Variants in COL16A1 observed in about 807,000 individuals in gnomAD.
COL16A1 encodes the protein collagen type XVI alpha 1 chain.
In COL16A1, 189 loss-of-function variants were observed where a neutral mutation model predicts 266.3. The ratio of observed to expected loss-of-function variants is 0.71; its 90% CI spans 0.63 to 0.80. The LOEUF is 0.80. Ranked by LOEUF, COL16A1 falls within the 30% of genes least tolerant of loss-of-function variation. The pLI, the probability that COL16A1 is intolerant of heterozygous loss-of-function variation, is 0.00. For missense variants in COL16A1, 1,928 were observed against 2,122.4 expected, an observed-to-expected ratio of 0.91 and a Z score of 1.80; for synonymous variants, 740 against 782.3, an observed-to-expected ratio of 0.95 and a Z score of 0.90.
chr1:31,656,928 C>T lies in COL16A1; in HGVS notation c.4056+105G>A. ...AGGGTTAACAATTTCCAGAGACAGC[C>T]CGTACATAGAAGGAATGTTTACTGA... On this transcript the variant is annotated intron_variant, in intron 65 of 70. Coordinates refer to ENST00000373672, the MANE Select transcript of COL16A1 (RefSeq NM_001856.4). The surrounding 1 kb of genome is among the most constrained non-coding windows in gnomAD (Gnocchi z 4.2). The T allele has an allele frequency of 1.3e-6, 2 of 1,500,906 alleles. No individual in the cohort carries two copies. The highest frequency in any genetic ancestry group is 1.9e-6 in the Non-Finnish European group (2 of 1,079,196). 93.0% of individuals were successfully genotyped at this position (1,500,906 alleles called of 1,614,324 possible).
In COL16A1 at chr1:31,672,418, C is replaced by T; in HGVS notation, c.3103G>A (p.Glu1035Lys). 6.2e-7 allele frequency: 1 copy of T among 1,614,134 alleles called. No homozygotes were observed. Among genetic ancestry groups the T allele is most frequent in the Non-Finnish European group, 8.5e-7 (1 of 1,179,996 alleles). ...PPGLPGQRGE[E>K]GPPGMRGSPG... Reference sequence around the variant, plus strand: ...TGAATCCCCATCCCTGGTCTTACCTCTTCTCCTCTCTGGCCTGGCAATCCC... The same window carrying T: ...TGAATCCCCATCCCTGGTCTTACCTTTTCTCCTCTCTGGCCTGGCAATCCC... The change falls in exon 47 of 71, where the codon GAG becomes AAG. Residue 1035 changes from glutamate to lysine, a missense_variant and splice_region_variant. Glu to Lys is a moderately conservative substitution (Grantham distance 56). This residue lies in a region of COL16A1 where 1,552 missense variants were observed against 1,637.2 expected (regional missense o/e 0.95). Transcript: ENST00000373672.
Position 31,702,174 on chromosome 1 carries a change from G to A in COL16A1, c.20C>T (p.Pro7Leu). The stretch of plus-strand genomic sequence containing the variant: ...CCAAAGACCGAGCAGCCACAGGCCA[G>A]GAGCCCAGGATACCCACATCCCGGT... MWVSWA[P>L]GLWLLGLWAT... The change falls in exon 2 of 71, where the codon CCT becomes CTT. Residue 7 changes from proline (P) to leucine (L), a missense_variant. By Grantham distance (98) the Pro-to-Leu change is moderately conservative. Transcript: ENST00000373672. The A allele has an allele frequency of 6.2e-7, 1 of 1,614,148 alleles. No individual in the cohort carries two copies. The highest frequency in any genetic ancestry group is 8.5e-7 in the Non-Finnish European group (1 of 1,180,018).
intron 43 of COL16A1, 100 bp downstream of exon 43, chr1:31,675,158 G>A (rs1217233231): frequency 3.7e-6 from 6 of 1,610,550 alleles, no homozygotes; most frequent in Admixed American, 1.7e-5. Context: ...TGGGAGAGAA[G>A]AGGGACCCCC....
At chr1:31,692,212 G>T (rs966947347) in intron 16 of COL16A1, 145 bp from the exon 17 acceptor site, 1 of 1,313,246 alleles carries the variant, frequency 7.6e-7, no homozygotes, top group Non-Finnish European at 1.1e-6. Flanking sequence ...CCACGGGAGG[G>T]TAGACAACAG....
At chr1:31,683,147 C>T (rs1367234086) in intron 36 of COL16A1, 47 bp downstream of exon 36, 14 of 1,613,200 alleles carry the variant, frequency 8.7e-6, no homozygotes, top group Non-Finnish European at 1.1e-5. Context: ...GCTTCTGGGA[C>T]ACTCTGGAAT....
In COL16A1 at chr1:31,684,581, C is replaced by A; in HGVS notation, c.2102G>T (p.Arg701Leu). The change falls in exon 31 of 71, where the codon CGG becomes CTG. Residue 701 changes from arginine (R) to leucine (L), a missense_variant. Coordinates refer to ENST00000373672, the MANE Select transcript of COL16A1 (RefSeq NM_001856.4). The part of the protein sequence containing the change: ...GDPGTPGTTG[R>L]PGLSGEPGVQ... Reference sequence around the variant, plus strand: ...TCCAGGCTCTCCTGACAGTCCTGGCCGCCCTGTGGTGCCCGGCGTTCCAGG... The same window carrying A: ...TCCAGGCTCTCCTGACAGTCCTGGCAGCCCTGTGGTGCCCGGCGTTCCAGG... 6.2e-7 allele frequency: 1 copy of A among 1,613,900 alleles called. No homozygotes were observed. The highest frequency in any genetic ancestry group is 8.5e-7 in the Non-Finnish European group (1 of 1,179,998).
At chr1:31,681,789 C>A (rs1643660788) in intron 37 of COL16A1, among the ~76,000 whole-genome samples, 1 of 152,226 alleles carries the variant, frequency 6.6e-6, no homozygotes, top group African/African-American at 2.4e-5. Context: ...ACACGTGGGA[C>A]TTGAAGCCCC....
chr1:31,656,497 C>T lies in COL16A1; in HGVS notation c.4057-53G>A, dbSNP rs1017062449. On this transcript the variant is annotated intron_variant, in intron 65 of 70. Coordinates refer to ENST00000373672, the MANE Select transcript of COL16A1 (RefSeq NM_001856.4). The surrounding 1 kb of genome is among the most constrained non-coding windows in gnomAD (Gnocchi z 4.2). ...AGTCCGGGCAGCATCTCTGAGGCTC[C>T]CTGGGGAGGCAGGTGCAGTGAAGAG... 5 of 1,598,254 alleles carry T rather than the reference C, an allele frequency of 3.1e-6. No individual in the cohort carries two copies. The highest frequency in any genetic ancestry group is 4.3e-6 in the Non-Finnish European group (5 of 1,172,654).
rs1428744203 is a variant in COL16A1 at position 31,698,016 on chromosome 1, G to C, written c.547C>G (p.His183Asp). The change falls in exon 6 of 71, where the codon CAC becomes GAC. Residue 183 changes from histidine to aspartate, a missense_variant. Around this residue, in one of 2 missense-constraint regions of COL16A1, gnomAD observed 1,552 missense variants for 1,637.2 expected, o/e 0.95. Transcript: ENST00000373672. The surrounding 1 kb of genome is among the most constrained non-coding windows in gnomAD (Gnocchi z 4.1). ...LSVAGRVASVHVDCSSASSQP... is the reference protein window; with the variant it reads ...LSVAGRVASVDVDCSSASSQP... ...GAGGAGGCTGAGCTGCAGTCCACGT[G>C]CACAGAGGCCACACGTCCAGCCACA... 1 of 1,613,484 alleles carries C rather than the reference G, an allele frequency of 6.2e-7. No individual in the cohort carries two copies. The highest frequency in any genetic ancestry group is 1.3e-5 in the African/African-American group (1 of 74,920).
intron 57 of COL16A1, 25 bp downstream of exon 57, chr1:31,662,562 C>T (rs1364492265): frequency 6.4e-7 from 1 of 1,560,084 alleles, no homozygotes; most frequent in Non-Finnish European, 8.7e-7. Context: ...CACACGTCTG[C>T]CACGCTGAAA....
Position 31,672,465 on chromosome 1 carries a change from C to T in COL16A1, c.3056G>A (p.Ser1019Asn). The T allele has an allele frequency of 6.8e-6, 11 of 1,614,174 alleles. No individual in the cohort carries two copies. The highest frequency in any genetic ancestry group is 9.3e-6 in the Non-Finnish European group (11 of 1,180,016). ...TCCCGGAGGACCAGGTAGGCCTGGG[C>T]TCCCAACACAGCCAGGATCTCCCTC... ...NSEGDPGCVG[S>N]PGLPGPPGLP... Residue 1019 changes from serine to asparagine, a missense_variant, in exon 47 of 71, where the codon AGC becomes AAC. Around this residue, in one of 2 missense-constraint regions of COL16A1, gnomAD observed 1,552 missense variants for 1,637.2 expected, o/e 0.95. Coordinates refer to ENST00000373672, the MANE Select transcript of COL16A1 (RefSeq NM_001856.4).
At chr1:31,693,063 C>T in intron 13 of COL16A1, 29 bp downstream of exon 13, 1 of 1,502,488 alleles carries the variant, frequency 6.7e-7, no homozygotes, top group Non-Finnish European at 9.3e-7. Flanking sequence ...TGGCAAAGGT[C>T]CTGCCACGGG....
At chr1:31,696,167 C>A in intron 8 of COL16A1, 26 bp from the exon 9 acceptor site, 3 of 1,611,540 alleles carry the variant, frequency 1.9e-6, no homozygotes, top group Non-Finnish European at 2.5e-6. Context: ...AAAGAGAAAC[C>A]CTTGAGGAGG....
chr1:31,701,877 G>C, intron 2 of COL16A1, among the ~76,000 whole-genome samples: 1 of 152,088 alleles, frequency 6.6e-6, no homozygotes, highest in East Asian at 1.9e-4. Context: ...AAGCCAGTCT[G>C]AGAGACAAAC....
Position 31,680,037 on chromosome 1 carries a change from C to G in COL16A1, c.2670+5G>C. On this transcript the variant is annotated splice_donor_5th_base_variant and intron_variant, in intron 40 of 70. Coordinates refer to ENST00000373672, the MANE Select transcript of COL16A1 (RefSeq NM_001856.4). ...TTGGGGGAAGGCTCTCACAGCGCCACTTACCGGCATGCCAGAGAAGATGAG... is the reference window on the plus strand; with the variant it reads ...TTGGGGGAAGGCTCTCACAGCGCCAGTTACCGGCATGCCAGAGAAGATGAG... 2 of 1,613,866 alleles carry G rather than the reference C, an allele frequency of 1.2e-6. No homozygotes were observed. The highest frequency in any genetic ancestry group is 1.7e-6 in the Non-Finnish European group (2 of 1,179,904).
chr1:31,668,664 C>T lies in COL16A1; in HGVS notation c.3249+138G>A, dbSNP rs573754937. 2 of 946,086 alleles carry T rather than the reference C, an allele frequency of 2.1e-6. No individual in the cohort carries two copies. The highest frequency in any genetic ancestry group is 3.2e-5 in the African/African-American group (2 of 61,642). The allele number at this position is 946,086 out of a possible 1,614,324, so 58.6% of individuals were successfully genotyped here. A position where few individuals can be genotyped will look rare whatever the true frequency, so the allele number is the denominator to read the frequency against. On this transcript the variant is annotated intron_variant, in intron 50 of 70. Transcript: ENST00000373672. The surrounding 1 kb of genome is among the most constrained non-coding windows in gnomAD (Gnocchi z 5.8). ...TGTGGAAACCTCACACTGAGGGAAT[C>T]CCGGCAGAAGGGCAGAGAGTCTCAA... is the stretch of plus-strand genomic sequence containing the variant.
intron 11 of COL16A1, 112 bp from the exon 12 acceptor site, chr1:31,694,282 G>A: frequency 1.3e-6 from 1 of 797,930 alleles, no homozygotes; most frequent in Non-Finnish European, 1.9e-6. Context: ...AGGACCAGCA[G>A]CCTGTATCCC....
At chr1:31,691,729 C>T in intron 17 of COL16A1, 87 bp from the exon 18 acceptor site, 2 of 1,454,550 alleles carry the variant, frequency 1.4e-6, no homozygotes, top group Non-Finnish European at 1.9e-6. Flanking sequence ...ACCTGTCCCA[C>T]CCTCCCTGCC....
At chr1:31,700,145 G>A (rs759154856) in intron 2 of COL16A1, 30 bp from the exon 3 acceptor site, 35 of 1,611,040 alleles carry the variant, frequency 2.2e-5, no homozygotes, top group Non-Finnish European at 2.8e-5. Flanking sequence ...GGGGCATTAG[G>A]TGCGCTCAGG....
Sources: gnomAD v4.1 joint callset for allele counts (sites outside exome capture counted in the v4.1 genomes callset) on GRCh38, gnomAD v4.1.1 for gene constraint, gnomAD v4.1.1 regional missense constraint, Gnocchi (gnomAD v3.1) non-coding constraint, MANE v1.5 for transcripts, NCBI Gene and HGNC (gene_info 2026-07-23, HGNC 2026-07-21) for gene names.